The following AFAP1 variants were observed in gnomAD, a reference collection of about 807,000 sequenced individuals.
AFAP1 encodes actin filament-associated protein 1.
A neutral mutation model predicts 93.9 loss-of-function variants in AFAP1; 75 were observed. The observed-to-expected ratio is 0.80, with a 90% confidence interval of 0.66 to 0.97. The LOEUF (loss-of-function observed/expected upper bound fraction) is 0.97. AFAP1 is among the 50% of genes least tolerant of loss of function. The pLI, the probability that AFAP1 is intolerant of heterozygous loss-of-function variation, is 0.00. For synonymous variants in AFAP1, 517 were observed against 430.7 expected, an observed-to-expected ratio of 1.20 and a Z score of -2.48; for missense variants, 1,201 against 1,050.8, an observed-to-expected ratio of 1.14 and a Z score of -1.98.
chr4:7,800,756 A>G, intron 9 of AFAP1, 103 bp from the exon 10 acceptor site: 2 of 1,104,200 alleles, frequency 1.8e-6, no homozygotes, highest in Non-Finnish European at 2.7e-6. Context: ...GAGTGTGGAT[A>G]AAACAAATCC....
chr4:7,764,849 C>A (rs1015929917), intron 17 of AFAP1, among the ~76,000 whole-genome samples: 12 of 152,192 alleles, frequency 7.9e-5, no homozygotes, highest in Admixed American at 5.9e-4. Context: ...TGCCTGGAAT[C>A]CCAGCACTTG....
intron 1 of AFAP1, among the ~76,000 whole-genome samples, chr4:7,925,317 C>T (rs1577364138): frequency 6.6e-6 from 1 of 152,326 alleles, no homozygotes; most frequent in East Asian, 1.9e-4. Context: ...TCTTCAGTCA[C>T]TCCCCACCAA....
intron 9 of AFAP1, among the ~76,000 whole-genome samples, chr4:7,806,688 C>A (rs896690566): frequency 1.3e-5 from 2 of 151,694 alleles, no homozygotes; most frequent in Non-Finnish European, 2.9e-5. Flanking sequence ...TTTCTAAAAG[C>A]CCCTCCCCTC....
At chr4:7,921,854 G>T (rs182401806) in intron 1 of AFAP1, among the ~76,000 whole-genome samples, 2 of 152,226 alleles carry the variant, frequency 1.3e-5, no homozygotes, top group Admixed American at 6.5e-5. Context: ...GGCCGGGCGC[G>T]GTGGCTCACG....
At chr4:7,779,530 G>C (rs1407515114) in intron 13 of AFAP1, among the ~76,000 whole-genome samples, 1 of 152,240 alleles carries the variant, frequency 6.6e-6, no homozygotes, top group East Asian at 1.9e-4. Flanking sequence ...CTTATGTGCA[G>C]CTTAGCTGTG....
chr4:7,906,556 C>G (rs577328230), intron 1 of AFAP1, among the ~76,000 whole-genome samples: 50 of 152,306 alleles, frequency 3.3e-4, no homozygotes, highest in Middle Eastern at 6.8e-3. Flanking sequence ...TGAACTCTGA[C>G]AGTATCACTC....
At chr4:7,899,130 T>C (rs890006547) in intron 1 of AFAP1, among the ~76,000 whole-genome samples, 4 of 151,914 alleles carry the variant, frequency 2.6e-5, no homozygotes, top group Non-Finnish European at 5.9e-5. Context: ...AATAATATGA[T>C]GAATATTTTA....
Position 7,884,332 on chromosome 4 carries a change from C to T in AFAP1, c.-2-12252G>A, listed in dbSNP as rs796747886. On this transcript the variant is annotated intron_variant, in intron 1 of 17. Transcript: ENST00000420658. ...ATAGCAATGCAAGATAGGCCTAACC[C>T]GTATATCAACAAATTTTGTTTTGTT... Among the ~76,000 whole-genome samples, 82 of 152,144 alleles carry T rather than the reference C, an allele frequency of 5.4e-4. 1 individual carries two copies. The highest frequency in any genetic ancestry group is 1.8e-3 in the African/African-American group (75 of 41,508).
At chr4:7,790,048 T>C (rs1051089143) in intron 11 of AFAP1, among the ~76,000 whole-genome samples, 1 of 152,262 alleles carries the variant, frequency 6.6e-6, no homozygotes, top group Non-Finnish European at 1.5e-5. Context: ...CTGCCGTCTC[T>C]TCCTCAGTCA....
chr4:7,802,707 T>C (rs1719159983), intron 9 of AFAP1, among the ~76,000 whole-genome samples: 1 of 148,720 alleles, frequency 6.7e-6, no homozygotes, highest in African/African-American at 2.5e-5. Context: ...TGGAGTGCAG[T>C]GGCGTGATCT....
At chr4:7,787,947 C>T (rs1374283439) in intron 11 of AFAP1, among the ~76,000 whole-genome samples, 2 of 147,560 alleles carry the variant, frequency 1.4e-5, no homozygotes, top group Non-Finnish European at 3.0e-5. Flanking sequence ...CAGGTCTCCG[C>T]GTGGGTGCTG....
chr4:7,844,990 A>T (rs1713515233), intron 4 of AFAP1, among the ~76,000 whole-genome samples: 1 of 152,256 alleles, frequency 6.6e-6, no homozygotes, highest in Non-Finnish European at 1.5e-5. Flanking sequence ...AAGAGAACTC[A>T]TATTTTTACT....
intron 4 of AFAP1, among the ~76,000 whole-genome samples, chr4:7,846,919 G>A (rs1366339491): frequency 2.6e-5 from 4 of 152,304 alleles, no homozygotes; most frequent in South Asian, 2.1e-4. Flanking sequence ...ACATGAACCC[G>A]TGCCTTTGTA....
At chr4:7,775,732 G>T (rs1230334932) in intron 14 of AFAP1, 1 of 152,230 alleles carries the variant, frequency 6.6e-6, no homozygotes, top group Non-Finnish European at 1.5e-5. Context: ...CTGGAACAGG[G>T]CACGAATCCC....
chr4:7,808,126 C>T (rs1341281856), intron 9 of AFAP1, among the ~76,000 whole-genome samples: 5 of 152,208 alleles, frequency 3.3e-5, no homozygotes, highest in Admixed American at 6.5e-5. Context: ...TGGGCTCACA[C>T]TGCAGGGAGC....
Position 7,761,911 on chromosome 4 carries a change from C to G in AFAP1, c.*1854G>C, listed in dbSNP as rs1040409700. Reference sequence around the variant, plus strand: ...GTCCCCGCCCGACCTGCCTGGATGTCCTAGTGGGAAGCTGGCGTCACGGAT... The same window carrying G: ...GTCCCCGCCCGACCTGCCTGGATGTGCTAGTGGGAAGCTGGCGTCACGGAT... On this transcript the variant is annotated 3_prime_UTR_variant, in exon 18 of 18. Transcript: ENST00000420658. The G allele has an allele frequency of 3.9e-5, 6 of 152,390 alleles. No individual in the cohort carries two copies. The highest frequency in any genetic ancestry group is 1.3e-4 in the Admixed American group (2 of 15,286). 9.4% of individuals were successfully genotyped at this position (152,390 alleles called of 1,614,324 possible).
At chr4:7,863,432 CGAAA>C (rs796972402) in intron 3 of AFAP1, among the ~76,000 whole-genome samples, 2 of 151,782 alleles carry the variant, frequency 1.3e-5, no homozygotes, top group African/African-American at 2.4e-5. Context: ...AACGAAAGAA[CGAAA>C]GAAAGAAAGA....
intron 9 of AFAP1, among the ~76,000 whole-genome samples, chr4:7,807,974 A>G (rs1454201143): frequency 1.3e-5 from 2 of 152,226 alleles, no homozygotes; most frequent in Non-Finnish European, 2.9e-5. Context: ...CTTTGTGTGT[A>G]TAGCCCCATT....
intron 14 of AFAP1, chr4:7,776,237 A>T (rs1716102305): frequency 6.6e-6 from 1 of 152,154 alleles, no homozygotes; most frequent in Non-Finnish European, 1.5e-5. Flanking sequence ...GGGTGGCATA[A>T]TGATTAAGAA....
Sources: allele counts gnomAD v4.1 joint callset (sites outside exome capture counted in the v4.1 genomes callset), GRCh38; gene constraint gnomAD v4.1.1; transcripts MANE v1.5; gene names NCBI Gene and HGNC (gene_info 2026-07-23, HGNC 2026-07-21).